The following OSBP2 variants were observed in gnomAD, a reference collection of about 807,000 sequenced individuals.
OSBP2 encodes the protein oxysterol-binding protein 2.
Under a neutral mutation model 96.0 loss-of-function variants are expected in OSBP2, and 66 were observed. The observed-to-expected ratio is 0.69, with a 90% CI of 0.56 to 0.84. The LOEUF is 0.84. Ranked by LOEUF, OSBP2 falls within the 40% of genes least tolerant of loss-of-function variation. OSBP2 has a pLI of 0.00. For missense variants in OSBP2, 1,038 were observed against 1,222.7 expected (o/e 0.85, Z 2.25); for synonymous variants, 525 against 520.9 (o/e 1.01, Z -0.11).
At chr22:30,868,268 G>T (rs1388766720) in intron 2 of OSBP2, among the ~76,000 whole-genome samples, 3 of 152,258 alleles carry the variant, frequency 2.0e-5, no homozygotes, top group African/African-American at 7.2e-5. Flanking sequence ...CAATAGCTGG[G>T]CACTAAGCTG....
chr22:30,902,126 G>GAAAAAAAAAAAAACAAAAAAAAAA (rs35391426), intron 12 of OSBP2: 1 of 115,898 alleles, frequency 8.6e-6, no homozygotes, highest in Non-Finnish European at 1.4e-5. Context: ...AAAAAAAAAC[G>GAAAAAAAAAAAAACAAAAAAAAAA]AAAAAAAAAA....
In OSBP2 at chr22:30,887,539, G is replaced by A. The variant is rs201905016; in HGVS notation, c.1221G>A (p.Ala407=). 102 of 1,613,594 alleles carry A rather than the reference G, an allele frequency of 6.3e-5. No individual in the cohort carries two copies. The East Asian group carries it at 1.1e-3, about 18-fold the overall frequency. ...VHLEETIEQL[A]KQHNSLERAF... is the part of the protein sequence containing the mutation. ...TGGAGGAAACCATTGAGCAGCTGGC[G>A]AAGCAGCACAACAGCCTCGAGCGGG... The change falls in exon 4 of 14, where the codon GCG becomes GCA. Residue 407 remains alanine (A), a synonymous_variant. Coordinates refer to ENST00000332585, the MANE Select transcript of OSBP2 (RefSeq NM_030758.4).
At chr22:30,747,353 C>T (rs1386478906) in intron 2 of OSBP2, among the ~76,000 whole-genome samples, 6 of 152,062 alleles carry the variant, frequency 3.9e-5, no homozygotes, top group Non-Finnish European at 7.4e-5. Flanking sequence ...TGGTGGCACA[C>T]GCCTGTAATT....
intron 2 of OSBP2, among the ~76,000 whole-genome samples, chr22:30,759,412 T>G (rs139256009): frequency 5.9e-5 from 9 of 152,126 alleles, no homozygotes; most frequent in Non-Finnish European, 1.2e-4. Flanking sequence ...AGACGGCTGG[T>G]CACTACCTGT....
At chr22:30,892,318 C>T (rs1244656295) in intron 8 of OSBP2, among the ~76,000 whole-genome samples, 1 of 152,092 alleles carries the variant, frequency 6.6e-6, no homozygotes, top group Non-Finnish European at 1.5e-5. Flanking sequence ...ATCAGCTGAG[C>T]TCAGGGCCAG....
intron 2 of OSBP2, among the ~76,000 whole-genome samples, chr22:30,743,153 C>T (rs1353333580): frequency 1.3e-5 from 2 of 152,206 alleles, no homozygotes; most frequent in South Asian, 4.1e-4. Flanking sequence ...CCTGCTCTCC[C>T]AGACTATCTT....
rs136226 is a variant in OSBP2, at chr22:30,820,389, T to TAA, written c.854-50031_854-50030dup. Among the ~76,000 whole-genome samples, 37 of 148,894 alleles carry TAA rather than the reference T, an allele frequency of 2.5e-4. 4 individuals carry two copies. Among genetic ancestry groups the TAA allele is most frequent in the Admixed American group, 1.7e-3 (25 of 14,962 alleles). On this transcript the variant is annotated intron_variant, in intron 2 of 13. Transcript: ENST00000332585. ...GGGTGACAGAGTAAGACCCCATCTCTAAAAAAAAAATAAAATTTTAAAAAT... is the reference window on the plus strand; with the variant it reads ...GGGTGACAGAGTAAGACCCCATCTCTAAAAAAAAAAAATAAAATTTTAAAAAT...
chr22:30,879,566 G>A (rs1460432119), intron 3 of OSBP2, among the ~76,000 whole-genome samples: 1 of 152,188 alleles, frequency 6.6e-6, no homozygotes, highest in Non-Finnish European at 1.5e-5. Flanking sequence ...CTCCGCCTCG[G>A]GGGTCAGGCA....
At chr22:30,888,452 GCTTTGGCCAGGCCCAGTGGCTCCCAGCA>G (rs2039865912) in intron 5 of OSBP2, 112 bp downstream of exon 5, 3 of 743,378 alleles carry the variant, frequency 4.0e-6, no homozygotes, top group Non-Finnish European at 4.7e-6. Flanking sequence ...TTTAAATCTT[GCTTTGGCCAGGCCCAGTGGCTCCCAGCA>G]CTTTGGGAGG....
intron 2 of OSBP2, among the ~76,000 whole-genome samples, chr22:30,834,481 C>T (rs58511316): frequency 0.049 from 7,409 of 152,274 alleles, 587 homozygotes; most frequent in African/African-American, 0.17. Flanking sequence ...TCCAGTTCCT[C>T]TAAATCCTTG....
rs267606221 is a variant in OSBP2, at chr22:30,890,925, C to T, written c.1821C>T (p.Phe607=). 4.3e-6 allele frequency: 7 copies of T among 1,612,186 alleles called. No homozygotes were observed. The highest frequency in any genetic ancestry group is 1.6e-4 in the Middle Eastern group (1 of 6,084). Residue 607 remains phenylalanine, a synonymous_variant, in exon 8 of 14, where the codon TTC becomes TTT. Coordinates refer to ENST00000332585, the MANE Select transcript of OSBP2 (RefSeq NM_030758.4). This position sits in a 1 kb window ranked among gnomAD's most constrained non-coding sequence, Gnocchi z 4.4. ...KPFNPMLGET[F]ELDRLDDMGL... ...TCAACCCCATGCTGGGGGAGACCTTCGAGCTGGACCGCCTCGACGACATGG... is the reference window on the plus strand; with the variant it reads ...TCAACCCCATGCTGGGGGAGACCTTTGAGCTGGACCGCCTCGACGACATGG...
intron 2 of OSBP2, among the ~76,000 whole-genome samples, chr22:30,828,300 G>C (rs1377743682): frequency 6.6e-6 from 1 of 152,214 alleles, no homozygotes; most frequent in Non-Finnish European, 1.5e-5. Context: ...CACTCACTCT[G>C]TCCCAGCAGC....
At chr22:30,891,844 G>A (rs1465475784) in intron 8 of OSBP2, among the ~76,000 whole-genome samples, 1 of 152,188 alleles carries the variant, frequency 6.6e-6, no homozygotes, top group East Asian at 1.9e-4. Context: ...AGACATGGAG[G>A]TTTCAGCTGG....
intron 2 of OSBP2, among the ~76,000 whole-genome samples, chr22:30,857,473 G>A (rs1280692148): frequency 6.6e-6 from 1 of 152,224 alleles, no homozygotes; most frequent in Non-Finnish European, 1.5e-5. Context: ...ACCGATATGG[G>A]ACAGGTTGGC....
rs1363739080 is a variant in OSBP2, at chr22:30,695,376, G to T, written c.467G>T (p.Gly156Val). ...AAGCCCCTGCCTCTTCTGCGACCAG[G>T]ACAGGCGAAGACTCCTCTTGGGGTT... The part of the protein sequence containing the change: ...ALKPLPLLRP[G>V]QAKTPLGVPM... The change falls in exon 1 of 14, where the codon GGA becomes GTA. Residue 156 changes from glycine (G) to valine (V), a missense_variant. This residue lies in a region of OSBP2 where 281 missense variants were observed against 273.4 expected (regional missense o/e 1.03). Coordinates refer to ENST00000332585, the MANE Select transcript of OSBP2 (RefSeq NM_030758.4). 6.2e-7 allele frequency: 1 copy of T among 1,613,674 alleles called. No individual in the cohort carries two copies. Among genetic ancestry groups the T allele is most frequent in the Non-Finnish European group, 8.5e-7 (1 of 1,180,052 alleles).
At chr22:30,754,401 G>T (rs1011452780) in intron 2 of OSBP2, among the ~76,000 whole-genome samples, 12 of 152,198 alleles carry the variant, frequency 7.9e-5, no homozygotes, top group Admixed American at 2.0e-4. Context: ...TGTCCTGGGG[G>T]CTGAGCCAGA....
intron 2 of OSBP2, among the ~76,000 whole-genome samples, chr22:30,859,651 G>A (rs1402504015): frequency 6.6e-6 from 1 of 152,252 alleles, no homozygotes; most frequent in Non-Finnish European, 1.5e-5. Flanking sequence ...TGGTGCCATG[G>A]GAGGACATGG....
intron 2 of OSBP2, among the ~76,000 whole-genome samples, chr22:30,756,027 C>T (rs2090136854): frequency 6.6e-6 from 1 of 152,176 alleles, no homozygotes; most frequent in Admixed American, 6.5e-5. Flanking sequence ...AGGCCCTGTC[C>T]ACCTCTGCCC....
chr22:30,699,618 T>G (rs1161912790), intron 1 of OSBP2, among the ~76,000 whole-genome samples: 1 of 152,216 alleles, frequency 6.6e-6, no homozygotes. Context: ...GATCGCTCAT[T>G]GTAGTCCTGA....
Sources: gnomAD v4.1 joint callset for allele counts (sites outside exome capture counted in the v4.1 genomes callset) on GRCh38, gnomAD v4.1.1 for gene constraint, gnomAD v4.1.1 regional missense constraint, Gnocchi (gnomAD v3.1) non-coding constraint, MANE v1.5 for transcripts, NCBI Gene and HGNC (gene_info 2026-07-23, HGNC 2026-07-21) for gene names.